IPMK: variants seen among roughly 807,000 people sequenced by gnomAD.
IPMK encodes inositol 1,3,4,6-tetrakisphosphate 5-kinase.
A neutral mutation model predicts 45.8 loss-of-function variants in IPMK; 17 were observed. That is an observed-to-expected ratio of 0.37 (90% CI 0.25 to 0.56). The LOEUF (loss-of-function observed/expected upper bound fraction) is 0.56, where lower values mean the gene tolerates loss of function less well. IPMK is among the 20% of genes least tolerant of loss of function. IPMK has a pLI of 0.79. For synonymous variants in IPMK, 180 were observed against 184.3 expected (o/e 0.98, Z 0.19); for missense variants, 399 against 498.0 (o/e 0.80, Z 1.89).
At chr10:58,223,124 C>A (rs553411638) in intron 3 of IPMK, among the ~76,000 whole-genome samples, 3 of 129,148 alleles carry the variant, frequency 2.3e-5, no homozygotes, top group Non-Finnish European at 4.7e-5. Context: ...CCAAACACCA[C>A]CTATTCCCCC....
intron 1 of IPMK, among the ~76,000 whole-genome samples, chr10:58,261,503 G>A (rs1340647524): frequency 1.4e-5 from 1 of 70,742 alleles, no homozygotes; most frequent in Non-Finnish European, 2.4e-5. Context: ...GAACCCAACT[G>A]TATTTCAAAT....
Position 58,249,821 on chromosome 10 carries a change from G to A in IPMK, c.191-12007C>T, listed in dbSNP as rs375112089. ...CAGTATTTTATTCTAGTAGTTTTATGTTTTACATCCAATCCAATCAAATAC... is the reference window on the plus strand; with the variant it reads ...CAGTATTTTATTCTAGTAGTTTTATATTTTACATCCAATCCAATCAAATAC... On this transcript the variant is annotated intron_variant, in intron 1 of 5. Coordinates refer to ENST00000373935, the MANE Select transcript of IPMK (RefSeq NM_152230.5). Among the ~76,000 whole-genome samples the A allele has an allele frequency of 2.6e-5, 4 of 152,000 alleles. No homozygotes were observed. In the South Asian group the frequency reaches 6.2e-4, roughly 24 times the overall value.
At chr10:58,238,837 G>GTTTTTTTTTTTTT (rs143503851) in intron 1 of IPMK, among the ~76,000 whole-genome samples, 1 of 148,904 alleles carries the variant, frequency 6.7e-6, no homozygotes, top group Non-Finnish European at 1.5e-5. Context: ...CAGAAATCAA[G>GTTTTTTTTTTTTT]TTTGTTTTTT....
At chr10:58,197,581 C>A (rs112045449) in intron 5 of IPMK, among the ~76,000 whole-genome samples, 10,022 of 148,498 alleles carry the variant, frequency 0.067, 408 homozygotes, top group Non-Finnish European at 0.09. Context: ...ACCCAGAAGG[C>A]GGAGCTTGCA....
chr10:58,227,714 C>A (rs1838440585), intron 2 of IPMK, among the ~76,000 whole-genome samples: 2 of 152,120 alleles, frequency 1.3e-5, no homozygotes, highest in African/African-American at 2.4e-5. Context: ...AGTCTAACTG[C>A]TGCTCATTTA....
At chr10:58,243,985 C>A (rs1838744459) in intron 1 of IPMK, among the ~76,000 whole-genome samples, 1 of 151,254 alleles carries the variant, frequency 6.6e-6, no homozygotes, top group African/African-American at 2.4e-5. Context: ...TGGCGCGCCG[C>A]CCCGTCTGGG....
At chr10:58,252,768 C>T (rs555489370) in intron 1 of IPMK, among the ~76,000 whole-genome samples, 140 of 151,890 alleles carry the variant, frequency 9.2e-4, no homozygotes, top group African/African-American at 3.1e-3. Flanking sequence ...ACCCACCACC[C>T]GCCTGGGTAA....
intron 4 of IPMK, among the ~76,000 whole-genome samples, chr10:58,200,595 T>A (rs1234831671): frequency 6.6e-6 from 1 of 152,214 alleles, no homozygotes; most frequent in African/African-American, 2.4e-5. Flanking sequence ...TAGTATATGA[T>A]AATGGGATTT....
In IPMK at chr10:58,232,887, G is replaced by A. The variant is rs59610828; in HGVS notation, c.276+4842C>T. On this transcript the variant is annotated intron_variant, in intron 2 of 5. Coordinates refer to ENST00000373935, the MANE Select transcript of IPMK (RefSeq NM_152230.5). ...ACCCTTCAAATAATCAATGAATCCA[G>A]GAGCTGGTTTTTTGAAAAGATCAAC... Among the ~76,000 whole-genome samples the A allele has an allele frequency of 8.5e-5, 13 of 152,264 alleles. No homozygotes were observed. In the East Asian group the frequency reaches 2.1e-3, roughly 25 times the overall value.
intron 1 of IPMK, among the ~76,000 whole-genome samples, chr10:58,257,452 G>A (rs1489635455): frequency 1.3e-5 from 2 of 152,092 alleles, no homozygotes; most frequent in African/African-American, 2.4e-5. Context: ...CTGAGATTAT[G>A]CCACTGCACT....
intron 1 of IPMK, among the ~76,000 whole-genome samples, chr10:58,262,014 G>A (rs1839076870): frequency 6.6e-6 from 1 of 152,048 alleles, no homozygotes; most frequent in African/African-American, 2.4e-5. Flanking sequence ...AACACCGCAT[G>A]TTCTCACTCA....
intron 3 of IPMK, 37 bp from the exon 4 acceptor site, chr10:58,216,354 A>G (rs1179816714): frequency 1.0e-6 from 1 of 972,522 alleles, no homozygotes; most frequent in East Asian, 3.0e-5. Flanking sequence ...GTAATAGGCA[A>G]ACATATTACT....
chr10:58,260,767 G>T (rs868818174), intron 1 of IPMK, among the ~76,000 whole-genome samples: 4 of 152,106 alleles, frequency 2.6e-5, no homozygotes, highest in Non-Finnish European at 1.5e-5. Context: ...CTCACTGAGA[G>T]AAATTAAAGG....
At chr10:58,232,668 C>A (rs1035317234) in intron 2 of IPMK, among the ~76,000 whole-genome samples, 1 of 152,154 alleles carries the variant, frequency 6.6e-6, no homozygotes, top group African/African-American at 2.4e-5. Context: ...ATCTCTGGGA[C>A]ACATTTAAAG....
chr10:58,197,322 A>AATAAATAAATACATACATACATACATAC (rs1212863029), intron 5 of IPMK, among the ~76,000 whole-genome samples: 2 of 110,052 alleles, frequency 1.8e-5, no homozygotes, highest in South Asian at 2.3e-4. Context: ...TAAATAAATA[A>AATAAATAAATACATACATACATACATAC]ATAAATACAT....
chr10:58,251,239 T>A (rs1489115836), intron 1 of IPMK, among the ~76,000 whole-genome samples: 4 of 152,212 alleles, frequency 2.6e-5, no homozygotes, highest in Non-Finnish European at 5.9e-5. Flanking sequence ...TTTAATTTCT[T>A]AATTGACTCC....
intron 4 of IPMK, among the ~76,000 whole-genome samples, chr10:58,208,322 T>C (rs1301934754): frequency 2.0e-5 from 3 of 152,166 alleles, no homozygotes; most frequent in Admixed American, 6.5e-5. Flanking sequence ...GAATTCTTTA[T>C]ATGGCAATTC....
intron 4 of IPMK, among the ~76,000 whole-genome samples, chr10:58,214,931 C>T (rs1838221807): frequency 6.6e-6 from 1 of 152,166 alleles, no homozygotes; most frequent in Non-Finnish European, 1.5e-5. Context: ...CCTTTCCTAC[C>T]ATCGGAGGTG....
chr10:58,267,562 G>C lies in IPMK; in HGVS notation c.50C>G (p.Pro17Arg). ...SPLRVEAPGP[P>R]EMRTSPAIES... Reference sequence around the variant, plus strand: ...GATCGCCGGTGAGGTCCGCATTTCTGGGGGGCCCGGCGCCTCGACCCGGAG... The same window carrying C: ...GATCGCCGGTGAGGTCCGCATTTCTCGGGGGCCCGGCGCCTCGACCCGGAG... The change falls in exon 1 of 6, where the codon CCA (proline) becomes CGA (arginine). Residue 17 changes from proline to arginine, a missense_variant. Pro to Arg is a moderately radical substitution (Grantham distance 103). Transcript: ENST00000373935. 1 of 1,609,116 alleles carries C rather than the reference G, an allele frequency of 6.2e-7. No individual in the cohort carries two copies. Among genetic ancestry groups the C allele is most frequent in the Non-Finnish European group, 8.5e-7 (1 of 1,177,870 alleles).
Sources: gnomAD v4.1 joint callset for allele counts (sites outside exome capture counted in the v4.1 genomes callset) on GRCh38, gnomAD v4.1.1 for gene constraint, MANE v1.5 for transcripts, NCBI Gene and HGNC (gene_info 2026-07-23, HGNC 2026-07-21) for gene names.